XKR5: variants seen among roughly 807,000 people sequenced by gnomAD.
The protein encoded by XKR5 is XK related 5, also known as XK-related protein 5.
A neutral mutation model predicts 40.8 loss-of-function variants in XKR5; 46 were observed. The observed-to-expected ratio is 1.13, with a 90% CI of 0.89 to 1.44. The LOEUF is 1.44. XKR5 is among the 40% of genes most tolerant of loss of function. XKR5 has a pLI of 0.00. For missense variants in XKR5, 1,169 were observed against 844.7 expected (o/e 1.38, Z -4.76); for synonymous variants, 466 against 356.1 (o/e 1.31, Z -3.48).
chr8:6,833,860 T>C (rs530394701), intron 1 of XKR5, among the ~76,000 whole-genome samples: 1 of 152,342 alleles, frequency 6.6e-6, no homozygotes, highest in East Asian at 1.9e-4. Context: ...TCCAGAGCTG[T>C]TGGGCAATAT....
chr8:6,809,754 T>C lies in XKR5; in HGVS notation c.*1444A>G, dbSNP rs1200805827. ...TGTGTCAGGCTGAGCTAAGTTATTC[T>C]ACTATTCCTTTTTAGAGCTCTAATA... On this transcript the variant is annotated 3_prime_UTR_variant, in exon 7 of 7. Transcript: ENST00000618742. The C allele has an allele frequency of 6.6e-6, 1 of 152,238 alleles. No homozygotes were observed. The highest frequency in any genetic ancestry group is 1.5e-5 in the Non-Finnish European group (1 of 68,054). 9.4% of individuals were successfully genotyped at this position (152,238 alleles called of 1,614,324 possible).
At chr8:6,832,963 AT>A in intron 1 of XKR5, 63 bp from the exon 2 acceptor site, 1 of 1,363,632 alleles carries the variant, frequency 7.3e-7, no homozygotes, top group Non-Finnish European at 9.7e-7. Context: ...GGGTACCTGC[AT>A]TTTAAACAAC....
intron 2 of XKR5, chr8:6,829,137 C>G (rs1340610300): frequency 6.1e-6 from 1 of 164,702 alleles, no homozygotes; most frequent in East Asian, 1.9e-4. Flanking sequence ...TATTAAATCT[C>G]CACCCATTTA....
At chr8:6,827,854 T>A (rs984406205) in intron 2 of XKR5, among the ~76,000 whole-genome samples, 1 of 152,128 alleles carries the variant, frequency 6.6e-6, no homozygotes, top group Non-Finnish European at 1.5e-5. Context: ...TTGCTTGAGC[T>A]TGGGAGTTTG....
intron 2 of XKR5, chr8:6,829,434 G>C (rs926358671): frequency 1.2e-5 from 2 of 162,624 alleles, no homozygotes; most frequent in African/African-American, 4.8e-5. Flanking sequence ...CTCTTGAACA[G>C]AGTCAGACTT....
chr8:6,831,180 G>A (rs1420816620), intron 2 of XKR5, among the ~76,000 whole-genome samples: 1 of 152,168 alleles, frequency 6.6e-6, no homozygotes, highest in Admixed American at 6.5e-5. Context: ...ATTGATTACT[G>A]GGCTGGGCCG....
rs755177852 is a variant in XKR5, at chr8:6,821,891, T to C, written c.785A>G (p.Asn262Ser). 4.3e-5 allele frequency: 70 copies of C among 1,613,466 alleles called. 1 individual carries two copies. In the South Asian group the frequency reaches 7.3e-4, roughly 17 times the overall value. Reference protein sequence around the residue: ...YLSFWDSPSRNRMVTFYMVML... With the variant: ...YLSFWDSPSRSRMVTFYMVML... Reference sequence around the variant, plus strand: ...TGCCATGTAGAACGTGACCATCCTATTTCTAGAAGGGCTGTCCCAGAAGCT... The same window carrying C: ...TGCCATGTAGAACGTGACCATCCTACTTCTAGAAGGGCTGTCCCAGAAGCT... The change falls in exon 5 of 7, where the codon AAT (asparagine) becomes AGT (serine). Residue 262 changes from asparagine (N) to serine (S), a missense_variant. Physicochemically the swap from Asn to Ser is conservative, Grantham distance 46. Coordinates refer to ENST00000618742, the MANE Select transcript of XKR5 (RefSeq NM_207411.5).
At chr8:6,818,110 A>T (rs1220568124) in intron 5 of XKR5, among the ~76,000 whole-genome samples, 1 of 152,202 alleles carries the variant, frequency 6.6e-6, no homozygotes, top group African/African-American at 2.4e-5. Flanking sequence ...CGATACACTC[A>T]GTGCAATCTG....
At chr8:6,830,440 A>G (rs1179060532) in intron 2 of XKR5, among the ~76,000 whole-genome samples, 5 of 152,196 alleles carry the variant, frequency 3.3e-5, no homozygotes, top group African/African-American at 1.2e-4. Context: ...CCTCTATGGA[A>G]GTAAATTTCT....
At chr8:6,826,883 G>A (rs984741908) in intron 2 of XKR5, among the ~76,000 whole-genome samples, 1 of 152,184 alleles carries the variant, frequency 6.6e-6, no homozygotes, top group Non-Finnish European at 1.5e-5. Context: ...GGATGGGGTG[G>A]CCCAGGGCCA....
At chr8:6,826,556 G>A (rs929191520) in intron 2 of XKR5, among the ~76,000 whole-genome samples, 1 of 152,186 alleles carries the variant, frequency 6.6e-6, no homozygotes, top group Non-Finnish European at 1.5e-5. Flanking sequence ...AGGCCTAAAT[G>A]ACTTGGAAAT....
intron 6 of XKR5, among the ~76,000 whole-genome samples, chr8:6,815,134 G>T (rs1036073231): frequency 6.6e-6 from 1 of 152,216 alleles, no homozygotes; most frequent in African/African-American, 2.4e-5. Flanking sequence ...AGTGACAGTG[G>T]TGGAAGCCTG....
intron 2 of XKR5, 57 bp from the exon 3 acceptor site, chr8:6,825,406 G>T: frequency 4.1e-6 from 6 of 1,447,402 alleles, no homozygotes; most frequent in Non-Finnish European, 5.5e-6. Flanking sequence ...GATTCAATAG[G>T]ACGAGCTTTC....
intron 5 of XKR5, among the ~76,000 whole-genome samples, chr8:6,817,222 G>A (rs929771598): frequency 4.6e-5 from 7 of 152,080 alleles, no homozygotes; most frequent in Admixed American, 1.3e-4. Flanking sequence ...CCCAGAGATT[G>A]CATCTTGCCA....
intron 2 of XKR5, among the ~76,000 whole-genome samples, chr8:6,832,372 A>G (rs112770443): frequency 6.6e-6 from 1 of 152,220 alleles, no homozygotes; most frequent in African/African-American, 2.4e-5. Flanking sequence ...CTAAGGTGAC[A>G]GGTGTGCAGA....
Position 6,811,585 on chromosome 8 carries a change from G to A in XKR5, c.1674C>T (p.Gly558=), listed in dbSNP as rs1433471381. ...AEVATSSQQE[G]SPATLQTAHS... is the part of the protein sequence containing the mutation. ...GGGCCGTTTGCAGAGTAGCTGGGCT[G>A]CCTTCTTGTTGTGAGGATGTGGCCA... is the stretch of plus-strand genomic sequence containing the variant. The change falls in exon 7 of 7, where the codon GGC becomes GGT. Residue 558 remains glycine, a synonymous_variant. Transcript: ENST00000618742. 3.3e-6 allele frequency: 5 copies of A among 1,537,208 alleles called. No homozygotes were observed. The African/African-American group carries it at 5.5e-5, about 17-fold the overall frequency.
At chr8:6,829,213 C>T (rs145473066) in intron 2 of XKR5, 89 of 169,374 alleles carry the variant, frequency 5.3e-4, no homozygotes, top group African/African-American at 2.1e-3. Flanking sequence ...CTTGAACTTT[C>T]ACTAAAGAAA....
rs1325765011 is a variant in XKR5 at position 6,823,729 on chromosome 8, C to T, written c.429G>A (p.Gly143=). The T allele has an allele frequency of 1.3e-6, 2 of 1,572,226 alleles. No individual in the cohort carries two copies. The highest frequency in any genetic ancestry group is 1.9e-5 in the Admixed American group (1 of 53,808). ...LASDFTDIVP[G]VSTLFSWSSL... is the part of the protein sequence containing the mutation. ...AGGACCAGGAAAACAGGGTGCTCAC[C>T]CCTGAAAGGGAAGCAGAAAGATGTG... Residue 143 remains glycine, a splice_region_variant and synonymous_variant, in exon 4 of 7, where the codon GGG becomes GGA. Coordinates refer to ENST00000618742, the MANE Select transcript of XKR5 (RefSeq NM_207411.5).
At chr8:6,827,773 C>A (rs959594877) in intron 2 of XKR5, among the ~76,000 whole-genome samples, 1 of 152,040 alleles carries the variant, frequency 6.6e-6, no homozygotes, top group Non-Finnish European at 1.5e-5. Flanking sequence ...TTTGAGAGGC[C>A]CACCTGCTAC....
Sources: allele counts gnomAD v4.1 joint callset (sites outside exome capture counted in the v4.1 genomes callset), GRCh38; gene constraint gnomAD v4.1.1; transcripts MANE v1.5; gene names NCBI Gene and HGNC (gene_info 2026-07-23, HGNC 2026-07-21).